Variants in NFRKB observed in about 807,000 individuals in gnomAD.
The protein encoded by NFRKB is nuclear factor related to kappa-B-binding protein.
A neutral mutation model predicts 135.7 loss-of-function variants in NFRKB; 62 were observed. That is an observed-to-expected ratio of 0.46 (90% CI 0.37 to 0.56). The LOEUF (loss-of-function observed/expected upper bound fraction) is 0.56. NFRKB is among the 20% of genes least tolerant of loss of function. The pLI is 0.00. For synonymous variants in NFRKB, 678 were observed against 635.6 expected, an observed-to-expected ratio of 1.07 and a Z score of -1.00; for missense variants, 1,545 against 1,662.0, an observed-to-expected ratio of 0.93 and a Z score of 1.22.
intron 3 of NFRKB, among the ~76,000 whole-genome samples, chr11:129,889,410 G>C (rs947916824): frequency 1.3e-5 from 2 of 152,072 alleles, no homozygotes; most frequent in African/African-American, 4.8e-5. Flanking sequence ...CTGCCAACGA[G>C]GGTATGAGGG....
chr11:129,889,064 C>T (rs1033487375), intron 3 of NFRKB, among the ~76,000 whole-genome samples: 4 of 151,830 alleles, frequency 2.6e-5, no homozygotes, highest in African/African-American at 4.8e-5. Flanking sequence ...CAGACTCAAG[C>T]GATTCTCCTA....
At chr11:129,867,939 G>GAAA (rs1457517387) in intron 24 of NFRKB, among the ~76,000 whole-genome samples, 1 of 152,064 alleles carries the variant, frequency 6.6e-6, no homozygotes, top group Non-Finnish European at 1.5e-5. Context: ...TGGCAAATTT[G>GAAA]AAAACTAGGA....
chr11:129,886,222 CG>C, intron 5 of NFRKB, 94 bp downstream of exon 5: 2 of 1,417,046 alleles, frequency 1.4e-6, no homozygotes, highest in Non-Finnish European at 1.9e-6. Flanking sequence ...TTTTTTTCTT[CG>C]TGGCAATTTT....
intron 13 of NFRKB, 40 bp downstream of exon 13, chr11:129,881,403 G>A (rs1307603119): frequency 1.9e-6 from 3 of 1,598,772 alleles, no homozygotes; most frequent in African/African-American, 1.3e-5. Context: ...AGAAATGGGA[G>A]AACGAAAACC....
intron 15 of NFRKB, 95 bp downstream of exon 15, chr11:129,878,214 C>T: frequency 7.5e-7 from 1 of 1,333,422 alleles, no homozygotes; most frequent in Non-Finnish European, 1.1e-6. Context: ...AAGCCCATTA[C>T]AGCTCTAGCA....
rs761127639 is a variant in NFRKB at position 129,881,713 on chromosome 11, A to G, written c.1318+14T>C. On this transcript the variant is annotated intron_variant, in intron 12 of 26. Coordinates refer to ENST00000682444, the MANE Select transcript of NFRKB (RefSeq NM_001143835.2). ...GGGGGAAAAATACTGACCCTACAAA[A>G]AAGAGCATCTTACCTCGACTTTCTC... 11 of 1,613,522 alleles carry G rather than the reference A, an allele frequency of 6.8e-6. No homozygotes were observed. Among genetic ancestry groups the G allele is most frequent in the Non-Finnish European group, 8.5e-6 (10 of 1,179,752 alleles).
chr11:129,864,886 G>T, intron 26 of NFRKB, 36 bp from the exon 27 acceptor site: 2 of 1,614,058 alleles, frequency 1.2e-6, no homozygotes, highest in South Asian at 1.1e-5. Context: ...TCAATGGATT[G>T]CAAGCGGGCT....
chr11:129,885,432 C>T lies in NFRKB; in HGVS notation c.640+3G>A. 1 of 1,600,890 alleles carries T rather than the reference C, an allele frequency of 6.2e-7. No homozygotes were observed. The highest frequency in any genetic ancestry group is 8.5e-7 in the Non-Finnish European group (1 of 1,169,604). On this transcript the variant is annotated splice_donor_region_variant and intron_variant, in intron 6 of 26. Coordinates refer to ENST00000682444, the MANE Select transcript of NFRKB (RefSeq NM_001143835.2). ...GCTACCCCAAGTGCCCGAGGACACT[C>T]ACCCTCTTCATCAGATGACAGGGCT...
At chr11:129,878,690 GC>G in intron 13 of NFRKB, 147 bp from the exon 14 acceptor site, 1 of 703,254 alleles carries the variant, frequency 1.4e-6, no homozygotes. Flanking sequence ...CTGCCTTCCA[GC>G]TGGCGGAAGT....
At chr11:129,889,336 C>T (rs952309777) in intron 3 of NFRKB, among the ~76,000 whole-genome samples, 5 of 152,050 alleles carry the variant, frequency 3.3e-5, no homozygotes, top group African/African-American at 1.2e-4. Flanking sequence ...AGTCTTGTAT[C>T]CAACAGTAAA....
At position 129,864,626 on chromosome 11, in the gene NFRKB, T is replaced by G; in HGVS notation, c.*99A>C. 1 of 1,546,806 alleles carries G rather than the reference T, an allele frequency of 6.5e-7. No individual in the cohort carries two copies. The highest frequency in any genetic ancestry group is 8.8e-7 in the Non-Finnish European group (1 of 1,135,868). On this transcript the variant is annotated 3_prime_UTR_variant, in exon 27 of 27. Transcript: ENST00000682444. ...GCCATCACCCCTCGCCTGGCTGCCT[T>G]GAACAGGCAAGCTTAAAACAATGAT...
intron 16 of NFRKB, 141 bp downstream of exon 16, chr11:129,877,184 C>A: frequency 1.1e-6 from 1 of 891,534 alleles, no homozygotes; most frequent in Non-Finnish European, 1.8e-6. Flanking sequence ...CCACCCCCAA[C>A]AAGTAATCCC....
chr11:129,893,403 A>AAAAAAG, intron 2 of NFRKB: 1 of 391,728 alleles, frequency 2.6e-6, no homozygotes, highest in South Asian at 1.9e-5. Context: ...AAAAAAAAAA[A>AAAAAAG]AAAAAAATCA....
At chr11:129,884,901 G>T in intron 6 of NFRKB, 55 bp from the exon 7 acceptor site, 2 of 1,613,128 alleles carry the variant, frequency 1.2e-6, no homozygotes, top group Non-Finnish European at 1.7e-6. Context: ...TCCAATAGGG[G>T]AGATTGGGTA....
At chr11:129,895,114 C>A (rs527596042) in intron 1 of NFRKB, among the ~76,000 whole-genome samples, 1 of 152,340 alleles carries the variant, frequency 6.6e-6, no homozygotes, top group East Asian at 1.9e-4. Flanking sequence ...GAAGGCCTCT[C>A]GGCCTCTCAT....
At position 129,874,961 on chromosome 11, in the gene NFRKB, T is replaced by A; in HGVS notation, c.1855-45A>T. ...AAATAAGAAACAAGTCAAGCTTAGA[T>A]AACAGAAGTTATTTGAACTCTAGGA... On this transcript the variant is annotated intron_variant, in intron 18 of 26. Transcript: ENST00000682444. This position sits in a 1 kb window ranked among gnomAD's most constrained non-coding sequence, Gnocchi z 4.5. 6.2e-7 allele frequency: 1 copy of A among 1,610,122 alleles called. No homozygotes were observed. The highest frequency in any genetic ancestry group is 1.1e-5 in the South Asian group (1 of 90,904).
chr11:129,868,757 G>A (rs571446007), intron 24 of NFRKB, among the ~76,000 whole-genome samples: 4 of 152,260 alleles, frequency 2.6e-5, no homozygotes, highest in African/African-American at 4.8e-5. Context: ...GGCCGTGGGC[G>A]GTGACTCACG....
In NFRKB at chr11:129,882,444, CACTT is replaced by C; in HGVS notation, c.1082+3_1082+6del. Reference sequence around the variant, plus strand: ...TGAGAATTACAGAATCTCTGTTGCTCACTTACTCTTCCTTGATAGCAGGAATTGC... The same window carrying C: ...TGAGAATTACAGAATCTCTGTTGCTCACTCTTCCTTGATAGCAGGAATTGC... On this transcript the variant is annotated splice_donor_5th_base_variant and intron_variant, in intron 10 of 26. Coordinates refer to ENST00000682444, the MANE Select transcript of NFRKB (RefSeq NM_001143835.2). 6.2e-7 allele frequency: 1 copy of C among 1,612,356 alleles called. No homozygotes were observed. The highest frequency in any genetic ancestry group is 8.5e-7 in the Non-Finnish European group (1 of 1,179,432).
chr11:129,872,390 C>G (rs911506172), intron 23 of NFRKB, among the ~76,000 whole-genome samples: 2 of 152,162 alleles, frequency 1.3e-5, no homozygotes, highest in African/African-American at 2.4e-5. Flanking sequence ...GCCTACCCCA[C>G]AGAGCTAAGA....
Sources: allele counts gnomAD v4.1 joint callset (sites outside exome capture counted in the v4.1 genomes callset), GRCh38; gene constraint gnomAD v4.1.1; non-coding constraint Gnocchi (gnomAD v3.1); transcripts MANE v1.5; gene names NCBI Gene and HGNC (gene_info 2026-07-23, HGNC 2026-07-21).